The following MIS18BP1 variants were observed in gnomAD, a reference collection of about 807,000 sequenced individuals.
MIS18BP1 encodes mis18-binding protein 1.
In MIS18BP1, 72 loss-of-function variants were observed where a neutral mutation model predicts 116.1. That is an observed-to-expected ratio of 0.62 (90% CI 0.51 to 0.75). The LOEUF is 0.75. Ranked by LOEUF, MIS18BP1 falls within the 30% of genes least tolerant of loss-of-function variation. The probability of loss-of-function intolerance (pLI) is 0.00; values close to 1 mark genes in which losing one functional copy is unlikely to be tolerated. For missense variants in MIS18BP1, 1,363 were observed against 1,303.2 expected, an observed-to-expected ratio of 1.05 and a Z score of -0.71; for synonymous variants, 386 against 427.0, an observed-to-expected ratio of 0.90 and a Z score of 1.18.
chr14:45,206,216 A>G (rs1289835722), intron 14 of MIS18BP1, 46 bp from the exon 15 acceptor site: 9 of 1,319,126 alleles, frequency 6.8e-6, no homozygotes, highest in Non-Finnish European at 9.6e-6. Context: ...TTTTTAAGTC[A>G]ACCTAATAAT....
In MIS18BP1 at chr14:45,247,038, A is replaced by G. The variant is rs936394543; in HGVS notation, c.249T>C (p.Ala83=). The G allele has an allele frequency of 1.2e-6, 2 of 1,613,252 alleles. No individual in the cohort carries two copies. Among genetic ancestry groups the G allele is most frequent in the Non-Finnish European group, 1.7e-6 (2 of 1,179,684 alleles). Residue 83 remains alanine, a synonymous_variant, in exon 2 of 17, where the codon GCT becomes GCC. Transcript: ENST00000310806. ...TATCAAGAGAACTGTTAGAGGTAGT[A>G]GCCTCTGTTAGCATAGTTGATTGAA... ...NIFQSTMLTE[A]TTSNSSLDIS...
chr14:45,242,739 A>T, intron 3 of MIS18BP1, 22 bp downstream of exon 3: 1 of 1,582,976 alleles, frequency 6.3e-7, no homozygotes, highest in Non-Finnish European at 8.6e-7. Flanking sequence ...AACAAACTGA[A>T]AACAAACCAA....
In MIS18BP1 at chr14:45,224,254, GTTTCAC is replaced by G. The variant is rs764051480; in HGVS notation, c.2327_2332del (p.Ser776_Glu777del). 5 of 1,613,546 alleles carry G rather than the reference GTTTCAC, an allele frequency of 3.1e-6. No homozygotes were observed. Among genetic ancestry groups the G allele is most frequent in the Middle Eastern group, 1.7e-4 (1 of 6,060 alleles). On this transcript the variant is annotated inframe_deletion, in exon 11 of 17. Coordinates refer to ENST00000310806, the MANE Select transcript of MIS18BP1 (RefSeq NM_018353.5). The stretch of plus-strand genomic sequence containing the variant: ...AGCTTTCCTTTTAATTTCCTTTTCT[GTTTCAC>G]TTTCTTCACTTGACAAATCTGGTGA...
chr14:45,250,809 C>T (rs987113234), intron 1 of MIS18BP1, among the ~76,000 whole-genome samples: 2 of 151,992 alleles, frequency 1.3e-5, no homozygotes, highest in Non-Finnish European at 2.9e-5. Flanking sequence ...AGGCGAATGA[C>T]GGCGAATCAC....
chr14:45,207,587 G>A (rs1277921049), intron 14 of MIS18BP1, among the ~76,000 whole-genome samples: 2 of 152,140 alleles, frequency 1.3e-5, no homozygotes, highest in Non-Finnish European at 2.9e-5. Context: ...GTAGATGGAG[G>A]CGGTAGTGAG....
chr14:45,212,646 A>G (rs1268243562), intron 13 of MIS18BP1, among the ~76,000 whole-genome samples: 1 of 152,228 alleles, frequency 6.6e-6, no homozygotes, highest in East Asian at 1.9e-4. Flanking sequence ...GGGCTCAAGC[A>G]TGTGCATTAA....
chr14:45,224,402 A>G lies in MIS18BP1; in HGVS notation c.2185T>C (p.Ser729Pro), dbSNP rs145716748. The change falls in exon 11 of 17, where the codon TCT becomes CCT. Residue 729 changes from serine (S) to proline (P), a missense_variant. Ser to Pro is a moderately conservative substitution (Grantham distance 74, BLOSUM62 -1). Transcript: ENST00000310806. Reference sequence around the variant, plus strand: ...AGCATTTGTTCCTTTTCAAGGTTAGATATTTTTATTTTCCGGTTGACAGTA... The same window carrying G: ...AGCATTTGTTCCTTTTCAAGGTTAGGTATTTTTATTTTCCGGTTGACAGTA... ...LLTVNRKIKI[S>P]NLEKEQMLTS... 2,922 of 1,613,752 alleles carry G rather than the reference A, an allele frequency of 1.8e-3. 40 individuals carry two copies. In the Admixed American group the frequency reaches 0.029, roughly 16 times the overall value.
chr14:45,209,799 T>C (rs1295050387), intron 14 of MIS18BP1, among the ~76,000 whole-genome samples: 2 of 152,220 alleles, frequency 1.3e-5, no homozygotes, highest in African/African-American at 2.4e-5. Context: ...TACTTACAAA[T>C]TGTTGCTGCA....
chr14:45,214,827 C>T (rs1890771646), intron 13 of MIS18BP1, among the ~76,000 whole-genome samples: 1 of 152,208 alleles, frequency 6.6e-6, no homozygotes, highest in Admixed American at 6.5e-5. Context: ...TCTCAGCTCA[C>T]TGCAACCTCC....
At chr14:45,225,997 T>C (rs2139188908) in intron 10 of MIS18BP1, among the ~76,000 whole-genome samples, 1 of 152,236 alleles carries the variant, frequency 6.6e-6, no homozygotes, top group African/African-American at 2.4e-5. Flanking sequence ...TCCACTGGCA[T>C]CATATATCTT....
chr14:45,224,441 C>G lies in MIS18BP1; in HGVS notation c.2146G>C (p.Glu716Gln). 6.2e-7 allele frequency: 1 copy of G among 1,613,920 alleles called. No homozygotes were observed. Among genetic ancestry groups the G allele is most frequent in the Non-Finnish European group, 8.5e-7 (1 of 1,180,002 alleles). Residue 716 changes from glutamate to glutamine, a missense_variant, in exon 11 of 17, where the codon GAA becomes CAA. Transcript: ENST00000310806. ...HKSKNKEDCD[E>Q]RDLLTVNRKI... ...CGGTTGACAGTAAGTAAGTCACGTTCATCGCAATCTTCCTTGTTTTTACTT... is the reference window on the plus strand; with the variant it reads ...CGGTTGACAGTAAGTAAGTCACGTTGATCGCAATCTTCCTTGTTTTTACTT...
In MIS18BP1 at chr14:45,247,191, G is replaced by C. The variant is rs1448484467; in HGVS notation, c.96C>G (p.Asp32Glu). Residue 32 changes from aspartate (D) to glutamate (E), a missense_variant, in exon 2 of 17, where the codon GAC (aspartate) becomes GAG (glutamate). By Grantham distance (45) the Asp-to-Glu change is conservative. Coordinates refer to ENST00000310806, the MANE Select transcript of MIS18BP1 (RefSeq NM_018353.5). ...RNLPMDAIFFDSIPSGTLTPV... is the reference protein window; with the variant it reads ...RNLPMDAIFFESIPSGTLTPV... ...GAGTAAGTGTGCCTGAAGGAATGCT[G>C]TCAAAAAAGATTGCATCCATGGGTA... is the stretch of plus-strand genomic sequence containing the variant. The C allele has an allele frequency of 6.2e-7, 1 of 1,612,588 alleles. No individual in the cohort carries two copies. The highest frequency in any genetic ancestry group is 1.3e-5 in the African/African-American group (1 of 75,002).
intron 6 of MIS18BP1, among the ~76,000 whole-genome samples, chr14:45,233,543 T>C (rs1453441648): frequency 2.0e-5 from 3 of 152,136 alleles, no homozygotes; most frequent in Non-Finnish European, 4.4e-5. Context: ...GAAGAAAGAA[T>C]GAGACCAGTT....
At chr14:45,220,599 C>A (rs2139173190) in intron 11 of MIS18BP1, among the ~76,000 whole-genome samples, 1 of 152,178 alleles carries the variant, frequency 6.6e-6, no homozygotes, top group South Asian at 2.1e-4. Context: ...TAGTGTATAA[C>A]CCTTTGAGTT....
intron 11 of MIS18BP1, among the ~76,000 whole-genome samples, chr14:45,223,474 G>A (rs910576747): frequency 3.3e-5 from 5 of 152,236 alleles, no homozygotes; most frequent in African/African-American, 7.2e-5. Flanking sequence ...CTACTCAGGA[G>A]GCTGAGGCAG....
chr14:45,210,530 T>G lies in MIS18BP1; in HGVS notation c.3004-2A>C. On this transcript the variant is annotated splice_acceptor_variant, in intron 13 of 16. Coordinates refer to ENST00000310806, the MANE Select transcript of MIS18BP1 (RefSeq NM_018353.5). LOFTEE classifies it high-confidence loss of function. ...TTCACTGTCCTGGAAACTTGGCAAC[T>G]AGAAAACAAGTATTTATTATCAGCA... is the stretch of plus-strand genomic sequence containing the variant. 6.2e-7 allele frequency: 1 copy of G among 1,613,668 alleles called. No homozygotes were observed.
At chr14:45,238,904 T>C (rs780980125) in intron 4 of MIS18BP1, among the ~76,000 whole-genome samples, 6 of 152,164 alleles carry the variant, frequency 3.9e-5, no homozygotes, top group Non-Finnish European at 8.8e-5. Flanking sequence ...TGTCTTACCC[T>C]CACCCAAGAC....
Position 45,217,036 on chromosome 14 carries a change from G to A in MIS18BP1, c.2986C>T (p.Gln996Ter), listed in dbSNP as rs1890836813. The stretch of plus-strand genomic sequence containing the variant: ...CCTCTTACCAGTATTCTTTGATGCT[G>A]TAAAGGTGTTGTACTGAAAAAATCA... The part of the protein sequence containing the change: ...HDDFFSTTPL[Q>*]HQRILLPSFQ... The change falls in exon 13 of 17, where the codon CAG becomes TAG. Residue 996 changes from glutamine to a stop codon, truncating the protein, a stop_gained. Transcript: ENST00000310806. LOFTEE classifies it high-confidence loss of function. 1.2e-6 allele frequency: 2 copies of A among 1,613,992 alleles called. No homozygotes were observed. The highest frequency in any genetic ancestry group is 1.7e-6 in the Non-Finnish European group (2 of 1,179,908).
rs1245256392 is a variant in MIS18BP1, at chr14:45,227,650, A to C, written c.1746+13T>G. The C allele has an allele frequency of 6.2e-7, 1 of 1,608,472 alleles. No individual in the cohort carries two copies. Among genetic ancestry groups the C allele is most frequent in the African/African-American group, 1.3e-5 (1 of 74,796 alleles). On this transcript the variant is annotated intron_variant, in intron 9 of 16. Transcript: ENST00000310806. The stretch of plus-strand genomic sequence containing the variant: ...TATCAACTTGAACTATACAGTGTAC[A>C]ATAAAGCCTTACCTGATTAGATAAG...
Sources: allele counts gnomAD v4.1 joint callset (sites outside exome capture counted in the v4.1 genomes callset), GRCh38; gene constraint gnomAD v4.1.1; transcripts MANE v1.5; gene names NCBI Gene and HGNC (gene_info 2026-07-23, HGNC 2026-07-21).